Variants in SGCD observed in about 807,000 individuals in gnomAD.
SGCD encodes sarcoglycan delta.
SGCD carries 18 observed loss-of-function variants against 36.6 expected under a neutral mutation model. The observed-to-expected ratio is 0.49, with a 90% CI of 0.34 to 0.73. The LOEUF (loss-of-function observed/expected upper bound fraction) is 0.73, where lower values mean the gene tolerates loss of function less well. Among genes scored for constraint, SGCD ranks in the 30% least tolerant of loss-of-function variants. SGCD has a pLI of 0.01. For synonymous variants in SGCD, 133 were observed against 130.6 expected (o/e 1.02, Z -0.12); for missense variants, 387 against 346.7 (o/e 1.12, Z -0.92).
At chr5:156,249,821 A>G (rs1156631971) in intron 3 of SGCD, among the ~76,000 whole-genome samples, 1 of 152,212 alleles carries the variant, frequency 6.6e-6, no homozygotes, top group African/African-American at 2.4e-5. Context: ...CATTTTCTAA[A>G]TTCTCTAAAC....
intron 7 of SGCD, among the ~76,000 whole-genome samples, chr5:156,757,350 A>C (rs1561899639): frequency 6.7e-6 from 1 of 149,732 alleles, no homozygotes; most frequent in Non-Finnish European, 1.5e-5. Flanking sequence ...AGATCAAGTG[A>C]AACCAGGATC....
At chr5:155,858,607 T>C in the SGCD span, among the ~76,000 whole-genome samples, 1 of 152,222 alleles carries the variant, frequency 6.6e-6, no homozygotes, top group Non-Finnish European at 1.5e-5. Flanking sequence ...AAATACATTG[T>C]TTAATGTAAT....
intron 1 of SGCD, among the ~76,000 whole-genome samples, chr5:156,017,753 T>G (rs1337380449): frequency 2.6e-5 from 4 of 152,156 alleles, no homozygotes; most frequent in African/African-American, 9.6e-5. Context: ...TTTATAGTTT[T>G]TATATATTTT....
chr5:155,862,165 C>T, the SGCD span, among the ~76,000 whole-genome samples: 2 of 152,140 alleles, frequency 1.3e-5, no homozygotes, highest in Non-Finnish European at 2.9e-5. Context: ...ATGGTGTTTT[C>T]ACCCTATGTA....
chr5:156,335,979 T>A (rs1768332992), intron 2 of SGCD, among the ~76,000 whole-genome samples: 1 of 152,206 alleles, frequency 6.6e-6, no homozygotes, highest in South Asian at 2.1e-4. Context: ...ACTAGAGTGA[T>A]CCTGAAGTGA....
chr5:156,223,924 G>A (rs1488713067), intron 3 of SGCD, among the ~76,000 whole-genome samples: 2 of 151,896 alleles, frequency 1.3e-5, no homozygotes, highest in Non-Finnish European at 2.9e-5. Flanking sequence ...ACTGATGAAG[G>A]TAAACTTAAA....
chr5:156,617,801 G>T lies in SGCD; in HGVS notation c.502+22750G>T, dbSNP rs543416671. The stretch of plus-strand genomic sequence containing the variant: ...AGGGGTGGTTTACAGGGCCATGATT[G>T]CCCTCCCTGGTACATCCTCAGAAGT... On this transcript the variant is annotated intron_variant, in intron 6 of 8. Transcript: ENST00000337851. Among the ~76,000 whole-genome samples the T allele has an allele frequency of 2.6e-5, 4 of 152,126 alleles. No individual in the cohort carries two copies. In the East Asian group the frequency reaches 5.8e-4, roughly 22 times the overall value.
At chr5:156,151,961 G>A (rs531706090) in intron 3 of SGCD, among the ~76,000 whole-genome samples, 1 of 151,466 alleles carries the variant, frequency 6.6e-6, no homozygotes, top group South Asian at 2.1e-4. Flanking sequence ...GAAGACAAGA[G>A]TGAGGATCAT....
chr5:155,890,197 A>G (rs1177003123), intron 1 of SGCD, among the ~76,000 whole-genome samples: 1 of 152,244 alleles, frequency 6.6e-6, no homozygotes, highest in East Asian at 1.9e-4. Flanking sequence ...GAAGAAACAG[A>G]AACTCTGTGC....
intron 3 of SGCD, among the ~76,000 whole-genome samples, chr5:156,239,223 A>G (rs1339325418): frequency 6.6e-6 from 1 of 152,002 alleles, no homozygotes; most frequent in Non-Finnish European, 1.5e-5. Flanking sequence ...AACATGGCGA[A>G]ACCCCATCTC....
intron 3 of SGCD, among the ~76,000 whole-genome samples, chr5:156,128,233 G>A (rs1367843150): frequency 1.3e-5 from 2 of 152,062 alleles, no homozygotes; most frequent in Non-Finnish European, 1.5e-5. Flanking sequence ...ACGAATGAGA[G>A]CACCAAAAGT....
At chr5:156,487,249 A>G (rs1423097802) in intron 3 of SGCD, among the ~76,000 whole-genome samples, 1 of 152,188 alleles carries the variant, frequency 6.6e-6, no homozygotes, top group East Asian at 1.9e-4. Context: ...CATTCATTCT[A>G]ATTAAAACTG....
At chr5:155,929,407 A>T (rs1757057548) in intron 1 of SGCD, among the ~76,000 whole-genome samples, 1 of 152,188 alleles carries the variant, frequency 6.6e-6, no homozygotes, top group Admixed American at 6.5e-5. Context: ...TATATCTCCC[A>T]TATTATTTCT....
intron 1 of SGCD, among the ~76,000 whole-genome samples, chr5:156,077,032 G>A (rs956381468): frequency 6.6e-6 from 1 of 152,024 alleles, no homozygotes; most frequent in Non-Finnish European, 1.5e-5. Context: ...TTTATATTTG[G>A]GGACAATAAG....
At chr5:155,936,058 G>A (rs1372429595) in intron 1 of SGCD, among the ~76,000 whole-genome samples, 2 of 152,156 alleles carry the variant, frequency 1.3e-5, no homozygotes, top group Admixed American at 6.5e-5. Context: ...TGGAAGCTTG[G>A]AGATGCCAGG....
At chr5:156,568,380 CAAATAAAT>C (rs1388690565) in intron 4 of SGCD, among the ~76,000 whole-genome samples, 1 of 152,104 alleles carries the variant, frequency 6.6e-6, no homozygotes, top group East Asian at 1.9e-4. Context: ...GACTCCATCT[CAAATAAAT>C]AAATAAATAA....
intron 7 of SGCD, 40 bp from the exon 8 acceptor site, chr5:156,757,541 G>T: frequency 7.7e-7 from 1 of 1,291,552 alleles, no homozygotes; most frequent in South Asian, 1.3e-5. Context: ...TTATTAAAAA[G>T]AAAAAGGGAT....
At chr5:156,134,884 TGA>T (rs35364834) in intron 3 of SGCD, among the ~76,000 whole-genome samples, 5,317 of 152,258 alleles carry the variant, frequency 0.035, 297 homozygotes, top group African/African-American at 0.12. Context: ...ACTGGAGGCT[TGA>T]CTGGACTCCC....
At chr5:156,307,091 G>C (rs1418475927) in intron 3 of SGCD, among the ~76,000 whole-genome samples, 1 of 143,884 alleles carries the variant, frequency 7.0e-6, no homozygotes, top group Non-Finnish European at 1.5e-5. Context: ...GACCAGGCTA[G>C]AGTGCAGTGG....
Sources: gnomAD v4.1 joint callset for allele counts (sites outside exome capture counted in the v4.1 genomes callset) on GRCh38, gnomAD v4.1.1 for gene constraint, MANE v1.5 for transcripts, NCBI Gene and HGNC (gene_info 2026-07-23, HGNC 2026-07-21) for gene names.